NAALADL2: variants seen among roughly 807,000 people sequenced by gnomAD.
NAALADL2 encodes N-acetylated alpha-linked acidic dipeptidase like 2.
Under a neutral mutation model 87.2 loss-of-function variants are expected in NAALADL2, and 76 were observed. The ratio of observed to expected loss-of-function variants is 0.87; its 90% CI spans 0.72 to 1.05. The LOEUF (loss-of-function observed/expected upper bound fraction) is 1.05. Ranked by LOEUF, NAALADL2 falls within the 50% of genes least tolerant of loss-of-function variation. NAALADL2 has a pLI of 0.00. For missense variants in NAALADL2, 1,089 were observed against 945.8 expected (o/e 1.15, Z -1.99); for synonymous variants, 354 against 331.0 (o/e 1.07, Z -0.75).
At chr3:175,038,790 T>C (rs997391166) in intron 1 of NAALADL2, among the ~76,000 whole-genome samples, 3 of 152,292 alleles carry the variant, frequency 2.0e-5, no homozygotes, top group African/African-American at 7.2e-5. Flanking sequence ...ATTTTCTTTT[T>C]TTTTTTAAGC....
intron 11 of NAALADL2, among the ~76,000 whole-genome samples, chr3:175,727,011 A>T (rs767127402): frequency 6.6e-5 from 10 of 152,146 alleles, no homozygotes; most frequent in Non-Finnish European, 1.0e-4. Flanking sequence ...CTAAGTTAAG[A>T]GCCCAACTCT....
At chr3:175,753,122 G>C (rs1251254211) in intron 12 of NAALADL2, among the ~76,000 whole-genome samples, 2 of 152,088 alleles carry the variant, frequency 1.3e-5, no homozygotes, top group African/African-American at 4.8e-5. Context: ...AATCTGAAAT[G>C]CACTTTGAAA....
At chr3:175,218,082 A>G in intron 2 of NAALADL2, 1 of 431,802 alleles carries the variant, frequency 2.3e-6, no homozygotes, top group Non-Finnish European at 4.6e-6. Flanking sequence ...TTAGGATAAA[A>G]TGAAGCACAC....
intron 5 of NAALADL2, among the ~76,000 whole-genome samples, chr3:175,356,876 T>C (rs901764032): frequency 1.3e-5 from 2 of 152,144 alleles, no homozygotes; most frequent in Non-Finnish European, 2.9e-5. Flanking sequence ...GAAAGAGGTC[T>C]GAACATGTTC....
intron 1 of NAALADL2, among the ~76,000 whole-genome samples, chr3:174,985,427 A>C (rs184440609): frequency 1.5e-4 from 23 of 152,286 alleles, no homozygotes; most frequent in Admixed American, 5.2e-4. Context: ...TCTCTGTTTC[A>C]AGAAAAATCT....
At chr3:175,121,813 G>A (rs1473759235) in intron 2 of NAALADL2, among the ~76,000 whole-genome samples, 1 of 151,764 alleles carries the variant, frequency 6.6e-6, no homozygotes, top group African/African-American at 2.4e-5. Flanking sequence ...ACTTTTTGAT[G>A]TAACTAAAAT....
chr3:175,192,736 G>A (rs1036786531), intron 2 of NAALADL2, among the ~76,000 whole-genome samples: 7 of 151,824 alleles, frequency 4.6e-5, no homozygotes, highest in African/African-American at 9.7e-5. Context: ...AACCATTTCC[G>A]TTGGCTCCTA....
chr3:175,173,269 G>T (rs1735131305), intron 2 of NAALADL2, among the ~76,000 whole-genome samples: 1 of 151,516 alleles, frequency 6.6e-6, no homozygotes, highest in South Asian at 2.1e-4. Flanking sequence ...TCCAGCCTTG[G>T]TGACACAGCG....
At chr3:175,619,854 G>A (rs778185009) in intron 10 of NAALADL2, among the ~76,000 whole-genome samples, 7 of 152,056 alleles carry the variant, frequency 4.6e-5, no homozygotes, top group Admixed American at 4.6e-4. Context: ...TAATGCCAAG[G>A]TGTAGCTTGG....
intron 1 of NAALADL2, chr3:174,523,604 A>G (rs988552420): frequency 2.0e-5 from 3 of 152,218 alleles, no homozygotes; most frequent in African/African-American, 7.2e-5. Flanking sequence ...AGTGGCAACA[A>G]TGGAATTACA....
At position 174,695,880 on chromosome 3, in the gene NAALADL2, G is replaced by A. The variant is rs527924698; in HGVS notation, c.-114-41761G>A. ...TGCAAAAGTAACATCCCTCTAGTGG[G>A]CATTTAGAAATATTTGAGCAGATTT... On this transcript the variant is annotated intron_variant, in intron 2 of 3. Coordinates refer to the NAALADL2 transcript ENST00000434257. 2.0e-5 allele frequency among the ~76,000 whole-genome samples: 3 copies of A among 152,052 alleles called. No homozygotes were observed. In the South Asian group the frequency reaches 6.2e-4, roughly 32 times the overall value.
chr3:175,096,739 T>C (rs1721226523), intron 1 of NAALADL2, 51 bp from the exon 2 acceptor site: 1 of 1,243,558 alleles, frequency 8.0e-7, no homozygotes, highest in Non-Finnish European at 1.1e-6. Flanking sequence ...TTTGTTAGTT[T>C]TTTTAATTGT....
rs560274580 is a variant in NAALADL2 at position 175,054,093 on chromosome 3, G to A, written c.44-42697G>A. 4.8e-4 allele frequency among the ~76,000 whole-genome samples: 73 copies of A among 152,328 alleles called. No homozygotes were observed. In the Middle Eastern group the frequency reaches 0.01, roughly 21 times the overall value. ...CAATTAACTGTGTGGAATGAACCAC[G>A]TATGAAGAATCAGAACTCACATTCA... On this transcript the variant is annotated intron_variant, in intron 1 of 13. Coordinates refer to ENST00000454872, the MANE Select transcript of NAALADL2 (RefSeq NM_207015.3).
At chr3:175,631,941 C>G (rs1397988841) in intron 11 of NAALADL2, among the ~76,000 whole-genome samples, 2 of 151,866 alleles carry the variant, frequency 1.3e-5, no homozygotes, top group East Asian at 1.9e-4. Context: ...AAGACACTTG[C>G]AATACCAAAA....
chr3:174,759,962 G>C (rs1031430521), intron 3 of NAALADL2, among the ~76,000 whole-genome samples: 15 of 152,142 alleles, frequency 9.9e-5, no homozygotes, highest in Admixed American at 9.2e-4. Context: ...GCCTCCCAAA[G>C]TGCTGGGATT....
rs886962164 is a variant in NAALADL2, at chr3:175,781,707, ATTTTTTT to A, written c.2190-21296_2190-21290del. 3.8e-4 allele frequency among the ~76,000 whole-genome samples: 56 copies of A among 149,216 alleles called. No individual in the cohort carries two copies. The Middle Eastern group carries it at 0.014, about 38-fold the overall frequency. ...AAAAAAAAATTAACATAACGCTTTT[ATTTTTTT>A]TATTTTTTTATTATACTTTAAGTTT... On this transcript the variant is annotated intron_variant, in intron 13 of 13. Transcript: ENST00000454872.
At chr3:174,608,672 T>C (rs561190774) in intron 2 of NAALADL2, among the ~76,000 whole-genome samples, 16 of 151,910 alleles carry the variant, frequency 1.1e-4, no homozygotes, top group Middle Eastern at 3.2e-3. Context: ...CAATAATCAA[T>C]AGCTTACTAA....
intron 9 of NAALADL2, among the ~76,000 whole-genome samples, chr3:175,569,481 C>A (rs1717701419): frequency 6.6e-6 from 1 of 152,150 alleles, no homozygotes; most frequent in African/African-American, 2.4e-5. Flanking sequence ...TGTGTCCCCT[C>A]AAAATTCACA....
chr3:174,831,740 T>G (rs1356972659), intron 3 of NAALADL2, among the ~76,000 whole-genome samples: 26 of 151,324 alleles, frequency 1.7e-4, no homozygotes, highest in African/African-American at 2.4e-4. Flanking sequence ...TCTGGTCCTG[T>G]ACTCTTTTTG....
Sources: gnomAD v4.1 joint callset for allele counts (sites outside exome capture counted in the v4.1 genomes callset) on GRCh38, gnomAD v4.1.1 for gene constraint, MANE v1.5 for transcripts, NCBI Gene and HGNC (gene_info 2026-07-23, HGNC 2026-07-21) for gene names.